PRSS12: variants seen among roughly 807,000 people sequenced by gnomAD.
PRSS12 encodes the protein serine protease 12.
A neutral mutation model predicts 104.4 loss-of-function variants in PRSS12; 85 were observed. That is an observed-to-expected ratio of 0.81 (90% CI 0.68 to 0.98). PRSS12 has a LOEUF of 0.98. Among genes scored for constraint, PRSS12 ranks in the 50% least tolerant of loss-of-function variants. The pLI, the probability that PRSS12 is intolerant of heterozygous loss-of-function variation, is 0.00. For synonymous variants in PRSS12, 454 were observed against 425.2 expected (o/e 1.07, Z -0.83); for missense variants, 1,141 against 1,139.2 (o/e 1.00, Z -0.02).
chr4:118,283,758 C>A (rs1324070895), intron 11 of PRSS12, among the ~76,000 whole-genome samples: 2 of 152,116 alleles, frequency 1.3e-5, no homozygotes, highest in Non-Finnish European at 2.9e-5. Context: ...CAATATCATT[C>A]ATCTCTACTT....
chr4:118,307,906 A>T (rs1743598005), intron 8 of PRSS12, among the ~76,000 whole-genome samples: 1 of 152,196 alleles, frequency 6.6e-6, no homozygotes, highest in South Asian at 2.1e-4. Flanking sequence ...TGCAAAAAAA[A>T]AAAAATTGGC....
Position 118,352,472 on chromosome 4 carries a change from C to G in PRSS12, c.249G>C (p.Gly83=). The G allele has an allele frequency of 7.2e-7, 1 of 1,390,082 alleles. No homozygotes were observed. Among genetic ancestry groups the G allele is most frequent in the Non-Finnish European group, 9.3e-7 (1 of 1,079,394 alleles). 86.1% of individuals were successfully genotyped at this position (1,390,082 alleles called of 1,614,324 possible). ...CCCAGGGGTGCGGCCGGGGCGTGTG[C>G]CCGGCCTGGAGGGCGTGCGGGCGCT... The part of the protein sequence containing the change: ...PAQRPHALQA[G]HTPRPHPWGC... The change falls in exon 1 of 13, where the codon GGG becomes GGC. Residue 83 remains glycine (G), a synonymous_variant. Coordinates refer to ENST00000296498, the MANE Select transcript of PRSS12 (RefSeq NM_003619.4).
At chr4:118,348,404 T>A (rs1226580125) in intron 1 of PRSS12, among the ~76,000 whole-genome samples, 1 of 152,228 alleles carries the variant, frequency 6.6e-6, no homozygotes. Context: ...CCTACCACTA[T>A]ACATTTTAGG....
intron 10 of PRSS12, 74 bp downstream of exon 10, chr4:118,295,704 A>G: frequency 7.4e-7 from 1 of 1,350,950 alleles, no homozygotes; most frequent in Non-Finnish European, 1.1e-6. Flanking sequence ...ATAACAGAAC[A>G]TCCCCAGTTT....
intron 4 of PRSS12, among the ~76,000 whole-genome samples, chr4:118,320,461 T>A (rs1165253536): frequency 6.6e-6 from 1 of 151,980 alleles, no homozygotes; most frequent in East Asian, 1.9e-4. Flanking sequence ...TATTTTAATA[T>A]CATTAGAGGG....
chr4:118,352,450 A>T lies in PRSS12; in HGVS notation c.271T>A (p.Trp91Arg). Residue 91 changes from tryptophan (W) to arginine (R), a missense_variant, in exon 1 of 13, where the codon TGG becomes AGG. By Grantham distance (101) the Trp-to-Arg change is moderately radical. Coordinates refer to ENST00000296498, the MANE Select transcript of PRSS12 (RefSeq NM_003619.4). Reference sequence around the variant, plus strand: ...CATGGCTCGCCGGCGGGGCAGCCCCAGGGGTGCGGCCGGGGCGTGTGCCCG... The same window carrying T: ...CATGGCTCGCCGGCGGGGCAGCCCCTGGGGTGCGGCCGGGGCGTGTGCCCG... ...QAGHTPRPHP[W>R]GCPAGEPWVS... The T allele has an allele frequency of 6.9e-7, 1 of 1,444,916 alleles. No homozygotes were observed. Among genetic ancestry groups the T allele is most frequent in the Non-Finnish European group, 9.0e-7 (1 of 1,105,174 alleles). The allele number at this position is 1,444,916 out of a possible 1,614,324, so 89.5% of individuals were successfully genotyped here.
At chr4:118,303,407 C>T (rs1488701593) in intron 8 of PRSS12, 1 of 152,000 alleles carries the variant, frequency 6.6e-6, no homozygotes, top group Admixed American at 6.6e-5. Context: ...AAAAAAAGCA[C>T]CATTTTAGAT....
chr4:118,283,311 T>C (rs28517808), intron 11 of PRSS12, among the ~76,000 whole-genome samples, 200 bp from the exon 12 acceptor site: 81,012 of 152,050 alleles, frequency 0.53, 21,870 homozygotes, highest in East Asian at 0.66. Context: ...CTTCATTTCA[T>C]TATGTAATCT....
At chr4:118,324,434 C>T (rs993681978) in intron 4 of PRSS12, among the ~76,000 whole-genome samples, 2 of 151,986 alleles carry the variant, frequency 1.3e-5, no homozygotes, top group African/African-American at 4.8e-5. Flanking sequence ...GAAAAAGTAA[C>T]AAATCCTAAA....
At chr4:118,291,657 T>C (rs1306465552) in intron 11 of PRSS12, among the ~76,000 whole-genome samples, 1 of 152,014 alleles carries the variant, frequency 6.6e-6, no homozygotes, top group Admixed American at 6.6e-5. Flanking sequence ...TGAGCACAGT[T>C]CTCTGTTTGA....
chr4:118,331,136 A>C (rs1723906578), intron 4 of PRSS12, among the ~76,000 whole-genome samples: 1 of 152,248 alleles, frequency 6.6e-6, no homozygotes, highest in Non-Finnish European at 1.5e-5. Flanking sequence ...GAATCACTAA[A>C]CAGAGGGATT....
intron 1 of PRSS12, among the ~76,000 whole-genome samples, chr4:118,343,766 G>A (rs573062495): frequency 6.6e-6 from 1 of 152,240 alleles, no homozygotes; most frequent in African/African-American, 2.4e-5. Flanking sequence ...GGGAAAAAAT[G>A]CATGCCTGCC....
At chr4:118,299,040 A>C in intron 8 of PRSS12, 102 bp from the exon 9 acceptor site, 1 of 1,315,650 alleles carries the variant, frequency 7.6e-7, no homozygotes, top group South Asian at 1.3e-5. Context: ...TTACATATTA[A>C]AATTAGCATC....
Position 118,352,436 on chromosome 4 carries a change from G to C in PRSS12, c.285C>G (p.Ala95=), listed in dbSNP as rs763314990. 6.7e-7 allele frequency: 1 copy of C among 1,498,570 alleles called. No homozygotes were observed. The highest frequency in any genetic ancestry group is 1.3e-5 in the South Asian group (1 of 78,086). The allele number at this position is 1,498,570 out of a possible 1,614,324, so 92.8% of individuals were successfully genotyped here. A position where few individuals can be genotyped will look rare whatever the true frequency, so the allele number is the denominator to read the frequency against. ...TPRPHPWGCP[A]GEPWVSVTDF... is the part of the protein sequence containing the mutation. ...CCGTCACGCTGACCCATGGCTCGCCGGCGGGGCAGCCCCAGGGGTGCGGCC... is the reference window on the plus strand; with the variant it reads ...CCGTCACGCTGACCCATGGCTCGCCCGCGGGGCAGCCCCAGGGGTGCGGCC... Residue 95 remains alanine, a synonymous_variant, in exon 1 of 13, where the codon GCC becomes GCG. Coordinates refer to ENST00000296498, the MANE Select transcript of PRSS12 (RefSeq NM_003619.4).
intron 7 of PRSS12, 62 bp downstream of exon 7, chr4:118,313,139 A>G: frequency 6.3e-7 from 1 of 1,585,144 alleles, no homozygotes; most frequent in South Asian, 1.1e-5. Flanking sequence ...ATTCAAGGCC[A>G]GTGGTTAGAG....
intron 7 of PRSS12, among the ~76,000 whole-genome samples, chr4:118,309,385 A>G (rs28411863): frequency 3.1e-3 from 476 of 152,250 alleles, no homozygotes; most frequent in African/African-American, 0.011. Context: ...TATTCCCATA[A>G]AATTGAGAAA....
intron 1 of PRSS12, among the ~76,000 whole-genome samples, chr4:118,342,953 G>T (rs1234130060): frequency 6.6e-6 from 1 of 152,168 alleles, no homozygotes; most frequent in African/African-American, 2.4e-5. Context: ...TAGAAAACAG[G>T]AATTCCCCAA....
intron 4 of PRSS12, among the ~76,000 whole-genome samples, chr4:118,327,569 G>A (rs543975398): frequency 6.6e-6 from 1 of 152,212 alleles, no homozygotes; most frequent in African/African-American, 2.4e-5. Flanking sequence ...TAAAAGGAAA[G>A]AAAGTATCCA....
At position 118,309,203 on chromosome 4, in the gene PRSS12, A is replaced by G. The variant is rs1305412289; in HGVS notation, c.1490-626T>C. 8.5e-5 allele frequency among the ~76,000 whole-genome samples: 13 copies of G among 152,222 alleles called. 1 individual carries two copies. The highest frequency in any genetic ancestry group is 8.5e-4 in the Admixed American group (13 of 15,278). On this transcript the variant is annotated intron_variant, in intron 7 of 12. Transcript: ENST00000296498. Reference sequence around the variant, plus strand: ...AAAAATTACTGAGTTAAAAGTTGAGAAACTGAACTCTAGCAAATTAAGATT... The same window carrying G: ...AAAAATTACTGAGTTAAAAGTTGAGGAACTGAACTCTAGCAAATTAAGATT...
Sources: allele counts gnomAD v4.1 joint callset (sites outside exome capture counted in the v4.1 genomes callset), GRCh38; gene constraint gnomAD v4.1.1; transcripts MANE v1.5; gene names NCBI Gene and HGNC (gene_info 2026-07-23, HGNC 2026-07-21).